PDE11A: variants seen among roughly 807,000 people sequenced by gnomAD.
The protein encoded by PDE11A is dual 3',5'-cyclic-AMP and -GMP phosphodiesterase 11A.
In PDE11A, 100 loss-of-function variants were observed where a neutral mutation model predicts 100.5. That is an observed-to-expected ratio of 1.00 (90% CI 0.85 to 1.18). PDE11A has a LOEUF of 1.18. Among genes scored for constraint, PDE11A ranks in the 50% most tolerant of loss-of-function variants. The pLI is 0.00. For synonymous variants in PDE11A, 381 were observed against 420.8 expected (o/e 0.91, Z 1.16); for missense variants, 1,141 against 1,152.6 (o/e 0.99, Z 0.15).
chr2:177,766,158 G>T (rs1386752107), intron 10 of PDE11A, among the ~76,000 whole-genome samples: 1 of 152,142 alleles, frequency 6.6e-6, no homozygotes, highest in Non-Finnish European at 1.5e-5. Context: ...AGGGGTGGGG[G>T]TGTGGGAATG....
intron 1 of PDE11A, among the ~76,000 whole-genome samples, chr2:178,050,482 G>C (rs2086809624): frequency 6.6e-6 from 1 of 152,156 alleles, no homozygotes; most frequent in Admixed American, 6.5e-5. Flanking sequence ...ACCAGCAATG[G>C]AACAAAGCTG....
intron 9 of PDE11A, among the ~76,000 whole-genome samples, chr2:177,808,360 G>C (rs1227963936): frequency 6.6e-6 from 1 of 152,032 alleles, no homozygotes; most frequent in Non-Finnish European, 1.5e-5. Context: ...ACAGTAACTT[G>C]GTCTGAAAAA....
chr2:177,940,730 A>T (rs1468382261), intron 2 of PDE11A, among the ~76,000 whole-genome samples: 1 of 152,232 alleles, frequency 6.6e-6, no homozygotes, highest in Non-Finnish European at 1.5e-5. Context: ...AATAAATTTA[A>T]AAATCACTAA....
chr2:177,802,510 T>C (rs1258767216), intron 9 of PDE11A, among the ~76,000 whole-genome samples: 1 of 152,088 alleles, frequency 6.6e-6, no homozygotes, highest in Non-Finnish European at 1.5e-5. Flanking sequence ...AATAAAATGT[T>C]ACTTAGCAAT....
chr2:178,105,661 G>A (rs1344167080), intron 1 of PDE11A: 2 of 681,598 alleles, frequency 2.9e-6, no homozygotes, highest in Non-Finnish European at 4.5e-6. Flanking sequence ...GTTCTCCATG[G>A]TGGTACAGGA....
At chr2:177,692,531 TC>T (rs1426872118) in intron 15 of PDE11A, among the ~76,000 whole-genome samples, 6 of 152,182 alleles carry the variant, frequency 3.9e-5, no homozygotes. Flanking sequence ...CAAAGAGAGA[TC>T]CGACTCTCAA....
chr2:178,001,457 A>G (rs1027388159), intron 2 of PDE11A, among the ~76,000 whole-genome samples: 16 of 152,164 alleles, frequency 1.1e-4, no homozygotes, highest in African/African-American at 3.9e-4. Context: ...GGGGCTTTGC[A>G]ATGTTAGAAA....
At chr2:178,107,229 T>C (rs1242248627) in intron 1 of PDE11A, among the ~76,000 whole-genome samples, 1 of 151,880 alleles carries the variant, frequency 6.6e-6, no homozygotes, top group Non-Finnish European at 1.5e-5. Flanking sequence ...CTCTTCCAAG[T>C]GCATTAAAAC....
intron 5 of PDE11A, among the ~76,000 whole-genome samples, chr2:177,867,388 G>C (rs1334279040): frequency 6.6e-6 from 1 of 152,168 alleles, no homozygotes; most frequent in African/African-American, 2.4e-5. Flanking sequence ...ATCTGATTAG[G>C]TACTGGAGAT....
intron 10 of PDE11A, among the ~76,000 whole-genome samples, chr2:177,766,272 A>C (rs948503752): frequency 8.5e-5 from 13 of 152,088 alleles, no homozygotes; most frequent in Non-Finnish European, 1.5e-5. Flanking sequence ...TAGGGTTTGC[A>C]CTCCTATGAG....
intron 3 of PDE11A, among the ~76,000 whole-genome samples, chr2:177,901,059 T>C (rs547137349): frequency 3.3e-5 from 5 of 152,284 alleles, no homozygotes; most frequent in African/African-American, 4.8e-5. Flanking sequence ...CCTTCTTCCC[T>C]GGGGACTAGA....
chr2:177,915,499 C>A (rs2084939894), intron 2 of PDE11A, among the ~76,000 whole-genome samples: 2 of 152,128 alleles, frequency 1.3e-5, no homozygotes, highest in South Asian at 2.1e-4. Context: ...ATTTAAGGTA[C>A]CTCTACATAA....
intron 3 of PDE11A, chr2:177,899,637 A>AAT (rs3037901): frequency 0.39 from 80,852 of 208,364 alleles, 14,078 homozygotes; most frequent in Admixed American, 0.52. Flanking sequence ...CAGATTCTTA[A>AAT]ATATATATAT....
intron 2 of PDE11A, among the ~76,000 whole-genome samples, chr2:177,932,393 A>G (rs1392763201): frequency 6.6e-6 from 1 of 152,212 alleles, no homozygotes; most frequent in Non-Finnish European, 1.5e-5. Flanking sequence ...ATGAACATAG[A>G]CATGAAAATA....
At chr2:177,661,024 C>A (rs867272884) in intron 19 of PDE11A, among the ~76,000 whole-genome samples, 1 of 152,162 alleles carries the variant, frequency 6.6e-6, no homozygotes, top group South Asian at 2.1e-4. Flanking sequence ...TAGACTCCAA[C>A]TCTCCAACCT....
chr2:177,747,111 G>T (rs868812608), intron 10 of PDE11A, among the ~76,000 whole-genome samples: 24 of 152,300 alleles, frequency 1.6e-4, no homozygotes, highest in Admixed American at 3.9e-4. Context: ...CTTTATTGTG[G>T]TGGTGCAAGA....
intron 5 of PDE11A, among the ~76,000 whole-genome samples, chr2:177,858,144 C>T (rs1481252477): frequency 6.6e-6 from 1 of 151,950 alleles, no homozygotes. Context: ...CATAAAAACC[C>T]TAGAAGAAAA....
chr2:178,098,558 C>G (rs1268095493), intron 2 of PDE11A, among the ~76,000 whole-genome samples: 1 of 152,094 alleles, frequency 6.6e-6, no homozygotes, highest in East Asian at 1.9e-4. Flanking sequence ...TTGCTTAATG[C>G]AGATCAATCT....
intron 2 of PDE11A, among the ~76,000 whole-genome samples, chr2:177,936,658 C>T (rs1278843810): frequency 6.6e-6 from 1 of 152,198 alleles, no homozygotes; most frequent in Admixed American, 6.5e-5. Context: ...CAGTGGCTCA[C>T]GCCTGTAATC....
Sources: gnomAD v4.1 joint callset for allele counts (sites outside exome capture counted in the v4.1 genomes callset) on GRCh38, gnomAD v4.1.1 for gene constraint, MANE v1.5 for transcripts, NCBI Gene and HGNC (gene_info 2026-07-23, HGNC 2026-07-21) for gene names.